Variants in SGTB observed in about 807,000 individuals in gnomAD.
SGTB encodes the protein small glutamine-rich tetratricopeptide repeat-containing protein beta.
A neutral mutation model predicts 43.9 loss-of-function variants in SGTB; 19 were observed. The ratio of observed to expected loss-of-function variants is 0.43; its 90% CI spans 0.30 to 0.63. SGTB has a LOEUF of 0.63. Among genes scored for constraint, SGTB ranks in the 30% least tolerant of loss-of-function variants. The pLI is 0.12. For missense variants in SGTB, 304 were observed against 358.9 expected (o/e 0.85, Z 1.24); for synonymous variants, 116 against 117.3 (o/e 0.99, Z 0.07).
intron 5 of SGTB, among the ~76,000 whole-genome samples, chr5:65,687,894 A>C (rs1014557102): frequency 2.6e-5 from 4 of 152,020 alleles, no homozygotes; most frequent in Non-Finnish European, 5.9e-5. Flanking sequence ...TCAACCCCCC[A>C]AGTAGCTGGG....
intron 4 of SGTB, among the ~76,000 whole-genome samples, chr5:65,705,925 A>G (rs1222515465): frequency 6.6e-6 from 1 of 151,490 alleles, no homozygotes; most frequent in African/African-American, 2.4e-5. Context: ...AGTCCCAGCT[A>G]CTCAGGAGGC....
At chr5:65,676,293 G>T (rs1757263332) in intron 8 of SGTB, among the ~76,000 whole-genome samples, 1 of 151,918 alleles carries the variant, frequency 6.6e-6, no homozygotes, top group Non-Finnish European at 1.5e-5. Flanking sequence ...CTCCAGCCTG[G>T]GTGACAGAGC....
rs762435242 is a variant in SGTB, at chr5:65,666,297, T to C, written c.*3949A>G. 2.6e-5 allele frequency: 4 copies of C among 152,190 alleles called. No homozygotes were observed. Among genetic ancestry groups the C allele is most frequent in the Non-Finnish European group, 5.9e-5 (4 of 67,996 alleles). 9.4% of individuals were successfully genotyped at this position (152,190 alleles called of 1,614,324 possible). A position where few individuals can be genotyped will look rare whatever the true frequency, so the allele number is the denominator to read the frequency against. ...AACAATAACTTACACATATTTTTCATAGTTTTAAGTAAAGATTAAATAATG... is the reference window on the plus strand; with the variant it reads ...AACAATAACTTACACATATTTTTCACAGTTTTAAGTAAAGATTAAATAATG... On this transcript the variant is annotated 3_prime_UTR_variant, in exon 11 of 11. Transcript: ENST00000381007.
Position 65,697,785 on chromosome 5 carries a change from A to T in SGTB, c.374+6494T>A, listed in dbSNP as rs189427682. On this transcript the variant is annotated intron_variant, in intron 5 of 10. Coordinates refer to ENST00000381007, the MANE Select transcript of SGTB (RefSeq NM_019072.3). ...TAACTATAAAATCTGGACAACATTT[A>T]AAAAAAATTGTTTTAACTAGAAGCA... Among the ~76,000 whole-genome samples, 51 of 152,244 alleles carry T rather than the reference A, an allele frequency of 3.3e-4. 1 individual carries two copies. The highest frequency in any genetic ancestry group is 1.2e-3 in the African/African-American group (49 of 41,552).
Position 65,670,039 on chromosome 5 carries a change from A to T in SGTB, c.*207T>A. 2 of 502,156 alleles carry T rather than the reference A, an allele frequency of 4.0e-6. No homozygotes were observed. The highest frequency in any genetic ancestry group is 3.2e-5 in the South Asian group (1 of 31,486). 31.1% of individuals were successfully genotyped at this position (502,156 alleles called of 1,614,324 possible). A position where few individuals can be genotyped will look rare whatever the true frequency, so the allele number is the denominator to read the frequency against. ...GCTAGTGATCATTTCAAAAGGAGTC[A>T]TGTTATGTTTTGAGTTTGTTTGTGA... On this transcript the variant is annotated 3_prime_UTR_variant, in exon 11 of 11. Transcript: ENST00000381007.
At chr5:65,697,298 G>T (rs2150714779) in intron 5 of SGTB, among the ~76,000 whole-genome samples, 1 of 152,188 alleles carries the variant, frequency 6.6e-6, no homozygotes, top group African/African-American at 2.4e-5. Flanking sequence ...ATTGATTTCA[G>T]TTTTACAAAA....
At chr5:65,680,212 G>A (rs1386689193) in intron 8 of SGTB, among the ~76,000 whole-genome samples, 1 of 152,164 alleles carries the variant, frequency 6.6e-6, no homozygotes, top group Non-Finnish European at 1.5e-5. Flanking sequence ...ACGAAGAACA[G>A]CTAATAGATG....
rs769847016 is a variant in SGTB, at chr5:65,720,824, C to G, written c.-17G>C. The G allele has an allele frequency of 6.2e-7, 1 of 1,601,574 alleles. No homozygotes were observed. The highest frequency in any genetic ancestry group is 1.1e-5 in the South Asian group (1 of 87,768). On this transcript the variant is annotated 5_prime_UTR_variant, in exon 2 of 11. Coordinates refer to ENST00000381007, the MANE Select transcript of SGTB (RefSeq NM_019072.3). ...AGATGACATTTTAGAAGCTTAAACA[C>G]TTTTCCTTGATAAGAAAAATGAAAA...
At chr5:65,713,763 T>C (rs957624979) in intron 2 of SGTB, among the ~76,000 whole-genome samples, 3 of 152,150 alleles carry the variant, frequency 2.0e-5, no homozygotes, top group Admixed American at 2.0e-4. Context: ...TGTGGTGGGT[T>C]ACGCCTGTAA....
In SGTB at chr5:65,713,538, A is replaced by C. The variant is rs192029321; in HGVS notation, c.101-474T>G. Among the ~76,000 whole-genome samples, 502 of 152,126 alleles carry C rather than the reference A, an allele frequency of 3.3e-3. 2 individuals are homozygous for C. Among genetic ancestry groups the C allele is most frequent in the African/African-American group, 0.011 (459 of 41,496 alleles). On this transcript the variant is annotated intron_variant, in intron 2 of 10. Coordinates refer to ENST00000381007, the MANE Select transcript of SGTB (RefSeq NM_019072.3). Reference sequence around the variant, plus strand: ...TTGCCAGGTTGCCCAGGCTGGTCTCAAACTCCTGGGCTCAAGTGATCCTCC... The same window carrying C: ...TTGCCAGGTTGCCCAGGCTGGTCTCCAACTCCTGGGCTCAAGTGATCCTCC...
At chr5:65,721,635 A>G (rs969152756) in intron 1 of SGTB, among the ~76,000 whole-genome samples, 22 of 152,208 alleles carry the variant, frequency 1.4e-4, no homozygotes, top group Non-Finnish European at 4.4e-5. Flanking sequence ...TTATTTGTGT[A>G]GTTATTTTAA....
chr5:65,702,694 TC>T (rs1463521810), intron 5 of SGTB, among the ~76,000 whole-genome samples: 1 of 152,144 alleles, frequency 6.6e-6, no homozygotes, highest in Non-Finnish European at 1.5e-5. Context: ...AGGTTCCACC[TC>T]CAAATACCAT....
At chr5:65,692,838 G>T (rs1757638247) in intron 5 of SGTB, among the ~76,000 whole-genome samples, 1 of 152,054 alleles carries the variant, frequency 6.6e-6, no homozygotes, top group Non-Finnish European at 1.5e-5. Flanking sequence ...TGAAGTATTT[G>T]GGATCAGCAA....
chr5:65,686,823 G>A (rs1757508914), intron 5 of SGTB, among the ~76,000 whole-genome samples: 1 of 152,146 alleles, frequency 6.6e-6, no homozygotes, highest in African/African-American at 2.4e-5. Context: ...ACACCACCTA[G>A]CTCCAAGTAT....
chr5:65,719,987 A>G (rs1758226916), intron 2 of SGTB, among the ~76,000 whole-genome samples: 1 of 152,184 alleles, frequency 6.6e-6, no homozygotes, highest in Admixed American at 6.5e-5. Flanking sequence ...TGGAGACAAC[A>G]AGATCTTCAG....
At chr5:65,678,243 C>T (rs1757320656) in intron 8 of SGTB, among the ~76,000 whole-genome samples, 1 of 152,164 alleles carries the variant, frequency 6.6e-6, no homozygotes, top group African/African-American at 2.4e-5. Flanking sequence ...AACTCGCATT[C>T]ACAATTGCCA....
At chr5:65,679,712 G>A (rs1757357354) in intron 8 of SGTB, among the ~76,000 whole-genome samples, 1 of 152,204 alleles carries the variant, frequency 6.6e-6, no homozygotes, top group Admixed American at 6.5e-5. Flanking sequence ...AACACTGTTG[G>A]TGGAAATGTA....
chr5:65,713,375 G>C (rs1758079897), intron 2 of SGTB, among the ~76,000 whole-genome samples: 1 of 151,926 alleles, frequency 6.6e-6, no homozygotes, highest in East Asian at 1.9e-4. Context: ...AGGCTGGAGT[G>C]CAGTGGCACA....
At chr5:65,689,089 C>G (rs768775124) in intron 5 of SGTB, among the ~76,000 whole-genome samples, 2 of 152,184 alleles carry the variant, frequency 1.3e-5, no homozygotes, top group Admixed American at 1.3e-4. Context: ...GGATTACAGG[C>G]GTGAGCCACC....
Sources: gnomAD v4.1 joint callset for allele counts (sites outside exome capture counted in the v4.1 genomes callset) on GRCh38, gnomAD v4.1.1 for gene constraint, MANE v1.5 for transcripts, NCBI Gene and HGNC (gene_info 2026-07-23, HGNC 2026-07-21) for gene names.